The following FARP1 variants were observed in gnomAD, a reference collection of about 807,000 sequenced individuals.
The protein encoded by FARP1 is FERM, ARH/RhoGEF and pleckstrin domain protein 1.
FARP1 carries 52 observed loss-of-function variants against 128.8 expected under a neutral mutation model. The observed-to-expected ratio is 0.40, with a 90% CI of 0.32 to 0.51. The LOEUF is 0.51. FARP1 is among the 20% of genes least tolerant of loss of function. The pLI is 0.45. For synonymous variants in FARP1, 580 were observed against 551.8 expected (o/e 1.05, Z -0.72); for missense variants, 1,333 against 1,367.9 (o/e 0.97, Z 0.40).
chr13:98,200,853 GT>G (rs902021764), intron 1 of FARP1, among the ~76,000 whole-genome samples: 1 of 151,746 alleles, frequency 6.6e-6, no homozygotes, highest in Non-Finnish European at 1.5e-5. Context: ...CTAGAGAAGT[GT>G]TTTTTTTCTT....
At chr13:98,437,767 C>G (rs1474324506) in intron 19 of FARP1, 1 of 1,480,074 alleles carries the variant, frequency 6.8e-7, no homozygotes. Context: ...TCCCACCAGC[C>G]TGGCTCCTTT....
At chr13:98,174,576 T>C (rs922127222) in intron 1 of FARP1, among the ~76,000 whole-genome samples, 4 of 152,182 alleles carry the variant, frequency 2.6e-5, no homozygotes, top group African/African-American at 7.2e-5. Flanking sequence ...CAGTAAGTCA[T>C]TGTACACAAG....
intron 2 of FARP1, among the ~76,000 whole-genome samples, chr13:98,306,677 G>T (rs1322558708): frequency 2.4e-5 from 1 of 40,930 alleles, no homozygotes; most frequent in African/African-American, 7.1e-5. Flanking sequence ...ACCACACCCG[G>T]CTAACTTTTT....
intron 2 of FARP1, among the ~76,000 whole-genome samples, chr13:98,258,247 A>C (rs1228562052): frequency 6.6e-6 from 1 of 152,194 alleles, no homozygotes; most frequent in Non-Finnish European, 1.5e-5. Context: ...GATTACAGGC[A>C]TGAGCAACCA....
chr13:98,227,089 C>T (rs1228828341), intron 2 of FARP1, among the ~76,000 whole-genome samples: 9 of 152,024 alleles, frequency 5.9e-5, no homozygotes, highest in African/African-American at 1.2e-4. Context: ...TACAGGCGCC[C>T]GCCACCATGC....
intron 1 of FARP1, among the ~76,000 whole-genome samples, chr13:98,162,600 C>G (rs928257008): frequency 6.6e-6 from 1 of 152,164 alleles, no homozygotes; most frequent in Non-Finnish European, 1.5e-5. Context: ...CTTATAGTCA[C>G]AAATGGGTGG....
chr13:98,379,265 C>T (rs1360156800), intron 6 of FARP1, among the ~76,000 whole-genome samples: 1 of 139,688 alleles, frequency 7.2e-6, no homozygotes, highest in Admixed American at 8.0e-5. Context: ...TATATAATCT[C>T]ATTTAATTCT....
intron 2 of FARP1, among the ~76,000 whole-genome samples, chr13:98,252,605 A>G (rs1024796063): frequency 6.6e-6 from 1 of 152,206 alleles, no homozygotes; most frequent in Non-Finnish European, 1.5e-5. Flanking sequence ...TTCCTCTCAC[A>G]GGCTGCTGTA....
At chr13:98,203,603 A>G (rs770004197) in intron 1 of FARP1, among the ~76,000 whole-genome samples, 1 of 152,176 alleles carries the variant, frequency 6.6e-6, no homozygotes, top group South Asian at 2.1e-4. Flanking sequence ...GCAGAACAAT[A>G]TTCCCTGGTA....
intron 5 of FARP1, among the ~76,000 whole-genome samples, chr13:98,371,498 C>G (rs1268364014): frequency 2.0e-5 from 3 of 152,048 alleles, no homozygotes; most frequent in Non-Finnish European, 4.4e-5. Context: ...TTTAAGAAGT[C>G]TTTTCCAAGG....
chr13:98,225,901 G>A (rs1407954139), intron 2 of FARP1, among the ~76,000 whole-genome samples: 1 of 152,176 alleles, frequency 6.6e-6, no homozygotes, highest in South Asian at 2.1e-4. Context: ...GGGCGTTTTT[G>A]TACATCCCTT....
Position 98,438,804 on chromosome 13 carries a change from G to T in FARP1, c.2275G>T (p.Glu759Ter). ...GIDNLVVPGREFIRLGSLSKL... is the reference protein window; with the variant it reads ...GIDNLVVPGR ...GCCCTCCGGTCTGTCTCCCCTGCAG[G>T]AGTTCATCCGTCTGGGCAGCCTCAG... Residue 759 changes from glutamate (E) to a stop codon, truncating the protein, a stop_gained and splice_region_variant, in exon 20 of 27, where the codon GAG (glutamate) becomes TAG (stop). Transcript: ENST00000319562. LOFTEE classifies it high-confidence loss of function. 1.2e-6 allele frequency: 2 copies of T among 1,612,386 alleles called. No homozygotes were observed.
At chr13:98,297,942 T>G (rs1011952344) in intron 2 of FARP1, among the ~76,000 whole-genome samples, 1 of 152,250 alleles carries the variant, frequency 6.6e-6, no homozygotes, top group Non-Finnish European at 1.5e-5. Flanking sequence ...TTATCCACGT[T>G]CCCTGTATCT....
intron 2 of FARP1, among the ~76,000 whole-genome samples, chr13:98,239,711 G>A (rs1433793222): frequency 6.6e-6 from 1 of 152,094 alleles, no homozygotes; most frequent in African/African-American, 2.4e-5. Context: ...ACTGAGTGGC[G>A]GGTGGCATTG....
At chr13:98,304,756 C>T (rs1886067894) in intron 2 of FARP1, among the ~76,000 whole-genome samples, 1 of 152,216 alleles carries the variant, frequency 6.6e-6, no homozygotes, top group Non-Finnish European at 1.5e-5. Context: ...CAGCTCATGC[C>T]TCCCTGTCTC....
chr13:98,171,789 C>A (rs767477229), intron 1 of FARP1, among the ~76,000 whole-genome samples: 22 of 152,156 alleles, frequency 1.4e-4, no homozygotes, highest in Non-Finnish European at 2.9e-4. Context: ...TAAAGTCCTC[C>A]TCCCCACCAA....
intron 5 of FARP1, among the ~76,000 whole-genome samples, chr13:98,377,192 C>T (rs1417964743): frequency 2.0e-5 from 3 of 151,728 alleles, no homozygotes; most frequent in Non-Finnish European, 4.4e-5. Flanking sequence ...GTCCCAGCTA[C>T]TCGGGAGGCT....
At position 98,224,246 on chromosome 13, in the gene FARP1, G is replaced by A. The variant is rs536141687; in HGVS notation, c.171+10833G>A. 3.3e-5 allele frequency among the ~76,000 whole-genome samples: 5 copies of A among 152,212 alleles called. No homozygotes were observed. In the East Asian group the frequency reaches 5.8e-4, roughly 18 times the overall value. On this transcript the variant is annotated intron_variant, in intron 2 of 26. Coordinates refer to ENST00000319562, the MANE Select transcript of FARP1 (RefSeq NM_005766.4). ...CGTGGCTTAAAAAATAGGCAGTTAC[G>A]GCCAGGCGTGGTGGCTCATGCCTGT... is the stretch of plus-strand genomic sequence containing the variant.
intron 3 of FARP1, among the ~76,000 whole-genome samples, chr13:98,363,605 C>T (rs1296732901): frequency 6.6e-6 from 1 of 152,186 alleles, no homozygotes; most frequent in Admixed American, 6.5e-5. Flanking sequence ...CAGGCAACTC[C>T]AGACCGCTCC....
Sources: gnomAD v4.1 joint callset for allele counts (sites outside exome capture counted in the v4.1 genomes callset) on GRCh38, gnomAD v4.1.1 for gene constraint, MANE v1.5 for transcripts, NCBI Gene and HGNC (gene_info 2026-07-23, HGNC 2026-07-21) for gene names.